The following PLCL1 variants were observed in gnomAD, a reference collection of about 807,000 sequenced individuals.
PLCL1 encodes inactive phospholipase C-like protein 1.
Under a neutral mutation model 84.4 loss-of-function variants are expected in PLCL1, and 41 were observed. The ratio of observed to expected loss-of-function variants is 0.49; its 90% confidence interval spans 0.38 to 0.63. PLCL1 has a LOEUF of 0.63. PLCL1 is among the 30% of genes least tolerant of loss of function. The probability of loss-of-function intolerance (pLI) is 0.00; values close to 1 mark genes in which losing one functional copy is unlikely to be tolerated. For missense variants in PLCL1, 1,206 were observed against 1,367.8 expected (o/e 0.88, Z 1.87); for synonymous variants, 490 against 488.3 (o/e 1.00, Z -0.05).
intron 1 of PLCL1, among the ~76,000 whole-genome samples, chr2:197,962,867 C>T (rs1689651912): frequency 6.6e-6 from 1 of 151,904 alleles, no homozygotes; most frequent in Non-Finnish European, 1.5e-5. Flanking sequence ...TAACATAATG[C>T]CCTCCAGTTC....
In PLCL1 at chr2:198,084,188, G is replaced by C; in HGVS notation, c.671G>C (p.Arg224Pro). The change falls in exon 2 of 6, where the codon CGA (arginine) becomes CCA (proline). Residue 224 changes from arginine (R) to proline (P), a missense_variant. By Grantham distance (103) the Arg-to-Pro change is moderately radical (BLOSUM62 -2). Coordinates refer to ENST00000428675, the MANE Select transcript of PLCL1 (RefSeq NM_006226.4). ...TCTGGGTTACGGTACCTGGTTTCTC[G>C]AAGTAAGCAGCCTCTTGATTTTATG... ...WVSGLRYLVS[R>P]SKQPLDFMEG... 2 of 1,614,040 alleles carry C rather than the reference G, an allele frequency of 1.2e-6. No homozygotes were observed. Among genetic ancestry groups the C allele is most frequent in the East Asian group, 2.2e-5 (1 of 44,872 alleles).
At chr2:197,849,349 C>A (rs1456464820) in intron 1 of PLCL1, among the ~76,000 whole-genome samples, 1 of 152,048 alleles carries the variant, frequency 6.6e-6, no homozygotes, top group East Asian at 1.9e-4. Flanking sequence ...GAGTTTGAGA[C>A]CAGCCTGGGC....
At chr2:197,986,138 T>A (rs959959753) in intron 1 of PLCL1, among the ~76,000 whole-genome samples, 1 of 152,206 alleles carries the variant, frequency 6.6e-6, no homozygotes, top group African/African-American at 2.4e-5. Context: ...ACAAAGTGGA[T>A]TTAGTTATTC....
At chr2:198,076,543 G>C in intron 1 of PLCL1, among the ~76,000 whole-genome samples, 2 of 152,096 alleles carry the variant, frequency 1.3e-5, no homozygotes, top group Non-Finnish European at 2.9e-5. Flanking sequence ...TAAAATAACT[G>C]TTCAGATCCT....
chr2:198,148,844 C>A lies in PLCL1; in HGVS notation c.*1882C>A, dbSNP rs1694585332. Reference sequence around the variant, plus strand: ...GGAAGAGGAGATAAAGGATGACAAACTCTCAAACAATATTTATACATTTAT... The same window carrying A: ...GGAAGAGGAGATAAAGGATGACAAAATCTCAAACAATATTTATACATTTAT... On this transcript the variant is annotated 3_prime_UTR_variant, in exon 6 of 6. Coordinates refer to ENST00000428675, the MANE Select transcript of PLCL1 (RefSeq NM_006226.4). The A allele has an allele frequency of 6.6e-6, 1 of 152,288 alleles. No individual in the cohort carries two copies. Among genetic ancestry groups the A allele is most frequent in the Non-Finnish European group, 1.5e-5 (1 of 68,034 alleles). 9.4% of individuals were successfully genotyped at this position (152,288 alleles called of 1,614,324 possible). A position where few individuals can be genotyped will look rare whatever the true frequency, so the allele number is the denominator to read the frequency against.
intron 1 of PLCL1, among the ~76,000 whole-genome samples, chr2:198,055,127 T>G (rs530382669): frequency 6.6e-6 from 1 of 152,166 alleles, no homozygotes; most frequent in Non-Finnish European, 1.5e-5. Flanking sequence ...TTAGTCACGT[T>G]GTACAGGTCG....
chr2:197,980,862 A>G (rs549464168), intron 1 of PLCL1, among the ~76,000 whole-genome samples: 1 of 152,300 alleles, frequency 6.6e-6, no homozygotes, highest in South Asian at 2.1e-4. Context: ...ATCGAGTAAT[A>G]TGGTGGCAAA....
intron 1 of PLCL1, among the ~76,000 whole-genome samples, chr2:197,896,395 C>A (rs181633292): frequency 6.6e-6 from 1 of 151,882 alleles, no homozygotes; most frequent in Admixed American, 6.6e-5. Context: ...CCTATGTGCC[C>A]ATCTCTCAGC....
intron 1 of PLCL1, among the ~76,000 whole-genome samples, chr2:198,035,227 T>C (rs938606815): frequency 6.6e-6 from 1 of 152,226 alleles, no homozygotes; most frequent in Non-Finnish European, 1.5e-5. Flanking sequence ...AGTGAACCCA[T>C]GTGCTGTTGG....
At chr2:197,860,976 G>T (rs1380812844) in intron 1 of PLCL1, among the ~76,000 whole-genome samples, 1 of 151,938 alleles carries the variant, frequency 6.6e-6, no homozygotes, top group African/African-American at 2.4e-5. Flanking sequence ...TGTCTAGATT[G>T]GGATCCCTGT....
At chr2:197,925,220 G>T (rs1369611549) in intron 1 of PLCL1, among the ~76,000 whole-genome samples, 1 of 152,158 alleles carries the variant, frequency 6.6e-6, no homozygotes, top group Admixed American at 6.6e-5. Flanking sequence ...GGGTGATAAA[G>T]TGAAAAATAT....
chr2:198,050,384 T>C (rs1691898341), intron 1 of PLCL1, among the ~76,000 whole-genome samples: 1 of 152,062 alleles, frequency 6.6e-6, no homozygotes, highest in South Asian at 2.1e-4. Flanking sequence ...TTTATCCCTC[T>C]TATGTCTCAG....
intron 1 of PLCL1, among the ~76,000 whole-genome samples, chr2:197,806,294 GT>G (rs1457622485): frequency 6.6e-6 from 1 of 152,154 alleles, no homozygotes; most frequent in Non-Finnish European, 1.5e-5. Context: ...ATGTGTGTGT[GT>G]ACATACACAC....
At chr2:197,830,999 C>T (rs2105655430) in intron 1 of PLCL1, among the ~76,000 whole-genome samples, 1 of 152,260 alleles carries the variant, frequency 6.6e-6, no homozygotes, top group Admixed American at 6.5e-5. Flanking sequence ...GCCTGCCTTA[C>T]TAGAGCTCCT....
rs572257809 is a variant in PLCL1, at chr2:197,846,830, A to G, written c.240+41491A>G. 3.5e-4 allele frequency among the ~76,000 whole-genome samples: 53 copies of G among 152,298 alleles called. 1 individual carries two copies. In the South Asian group the frequency reaches 9.3e-3, roughly 27 times the overall value. On this transcript the variant is annotated intron_variant, in intron 1 of 5. Transcript: ENST00000428675. ...TAGTAAATGTTGTCAAGGTGGAGAC[A>G]TATATGGATGATAGATCCTCAGGGA...
At chr2:198,061,639 G>T (rs149874566) in intron 1 of PLCL1, among the ~76,000 whole-genome samples, 2 of 152,036 alleles carry the variant, frequency 1.3e-5, no homozygotes, top group Non-Finnish European at 2.9e-5. Flanking sequence ...TCGCTCTGTC[G>T]CCCAGGCTGG....
At chr2:198,082,185 C>T (rs1166711693) in intron 1 of PLCL1, among the ~76,000 whole-genome samples, 1 of 152,108 alleles carries the variant, frequency 6.6e-6, no homozygotes, top group Non-Finnish European at 1.5e-5. Context: ...TTCAGTCTCA[C>T]AATGACACTA....
At chr2:197,836,000 G>A (rs1425884089) in intron 1 of PLCL1, among the ~76,000 whole-genome samples, 1 of 152,064 alleles carries the variant, frequency 6.6e-6, no homozygotes, top group African/African-American at 2.4e-5. Flanking sequence ...TTGGAGAGTA[G>A]AAATCACAAG....
At chr2:198,061,800 C>A (rs1336001043) in intron 1 of PLCL1, among the ~76,000 whole-genome samples, 1 of 152,148 alleles carries the variant, frequency 6.6e-6, no homozygotes, top group Middle Eastern at 3.4e-3. Context: ...GGGGTTTCAC[C>A]GTGTCAGCCA....
Sources: gnomAD v4.1 joint callset for allele counts (sites outside exome capture counted in the v4.1 genomes callset) on GRCh38, gnomAD v4.1.1 for gene constraint, MANE v1.5 for transcripts, NCBI Gene and HGNC (gene_info 2026-07-23, HGNC 2026-07-21) for gene names.